Variants in ATP9B observed in about 807,000 individuals in gnomAD.
ATP9B encodes the protein probable phospholipid-transporting ATPase IIB.
Under a neutral mutation model 146.1 loss-of-function variants are expected in ATP9B, and 110 were observed. That is an observed-to-expected ratio of 0.75 (90% CI 0.65 to 0.88). The LOEUF (loss-of-function observed/expected upper bound fraction) is 0.88. Ranked by LOEUF, ATP9B falls within the 40% of genes least tolerant of loss-of-function variation. The pLI is 0.00. For synonymous variants in ATP9B, 604 were observed against 569.7 expected, an observed-to-expected ratio of 1.06 and a Z score of -0.86; for missense variants, 1,499 against 1,496.4, an observed-to-expected ratio of 1.00 and a Z score of -0.03.
intron 2 of ATP9B, among the ~76,000 whole-genome samples, chr18:79,102,703 C>CTA (rs1480652502): frequency 6.6e-6 from 1 of 151,928 alleles, no homozygotes; most frequent in Non-Finnish European, 1.5e-5. Flanking sequence ...TGTGTTGAAC[C>CTA]TATATATTTT....
chr18:79,183,512 G>A (rs1057482217), intron 8 of ATP9B, among the ~76,000 whole-genome samples: 8 of 151,970 alleles, frequency 5.3e-5, no homozygotes, highest in African/African-American at 1.9e-4. Flanking sequence ...TTCTAAGTCT[G>A]TTCATGTTAT....
intron 2 of ATP9B, among the ~76,000 whole-genome samples, chr18:79,097,370 A>G (rs2074878751): frequency 6.6e-6 from 1 of 151,614 alleles, no homozygotes; most frequent in Admixed American, 6.6e-5. Flanking sequence ...TTATTTTTAT[A>G]TCATTATTTT....
intron 11 of ATP9B, among the ~76,000 whole-genome samples, chr18:79,237,123 A>G (rs1387706718): frequency 2.1e-5 from 1 of 48,460 alleles, no homozygotes; most frequent in African/African-American, 9.5e-5. Context: ...CCCACTGTGT[A>G]CACGGTCCGT....
At chr18:79,212,603 A>G (rs766493149) in intron 10 of ATP9B, among the ~76,000 whole-genome samples, 2 of 152,226 alleles carry the variant, frequency 1.3e-5, no homozygotes, top group Non-Finnish European at 2.9e-5. Context: ...CTAGATTGGC[A>G]AAACAGAAAA....
At chr18:79,113,725 G>T (rs1483376745) in intron 4 of ATP9B, among the ~76,000 whole-genome samples, 1 of 152,200 alleles carries the variant, frequency 6.6e-6, no homozygotes, top group Non-Finnish European at 1.5e-5. Context: ...TTCACACCCT[G>T]ACCATGGTGA....
chr18:79,099,752 A>C (rs2146825078), intron 2 of ATP9B, among the ~76,000 whole-genome samples: 1 of 152,088 alleles, frequency 6.6e-6, no homozygotes, highest in Non-Finnish European at 1.5e-5. Context: ...ATGAGTCACC[A>C]TGCCCAACCT....
chr18:79,346,741 A>G (rs952263133), intron 23 of ATP9B, among the ~76,000 whole-genome samples: 11 of 152,078 alleles, frequency 7.2e-5, no homozygotes, highest in South Asian at 2.1e-4. Flanking sequence ...GTCATTTTAC[A>G]CTCAGCACAT....
chr18:79,284,809 C>G (rs905363205), intron 13 of ATP9B, among the ~76,000 whole-genome samples: 1 of 134,688 alleles, frequency 7.4e-6, no homozygotes, highest in Non-Finnish European at 1.6e-5. Context: ...TGTGATGTTC[C>G]CCTTCCCGTG....
At chr18:79,245,972 T>TGC (rs143564546) in intron 11 of ATP9B, among the ~76,000 whole-genome samples, 19 of 71,478 alleles carry the variant, frequency 2.7e-4, no homozygotes, top group African/African-American at 8.9e-4. Context: ...CCCTACTGAC[T>TGC]GCGGAGGGCA....
At chr18:79,322,690 C>A (rs2096722555) in intron 15 of ATP9B, among the ~76,000 whole-genome samples, 1 of 152,208 alleles carries the variant, frequency 6.6e-6, no homozygotes, top group African/African-American at 2.4e-5. Context: ...TATGTTCTTA[C>A]TAAGATTCTT....
intron 19 of ATP9B, among the ~76,000 whole-genome samples, chr18:79,339,452 ATGTCATGATCACAGTAGGAAGTG>A (rs2096846077): frequency 1.3e-5 from 2 of 149,358 alleles, no homozygotes; most frequent in African/African-American, 2.5e-5. Context: ...AGTAGGAAGT[ATGTCATGATCACAGTAGGAAGTG>A]TGTCATGATC....
chr18:79,120,919 T>A (rs1462720518), intron 4 of ATP9B, among the ~76,000 whole-genome samples: 2 of 152,194 alleles, frequency 1.3e-5, no homozygotes, highest in Non-Finnish European at 2.9e-5. Context: ...ATTAGAGGTG[T>A]GGGCAAAGTA....
chr18:79,217,748 T>C (rs1288992165), intron 11 of ATP9B, among the ~76,000 whole-genome samples: 4 of 152,228 alleles, frequency 2.6e-5, no homozygotes, highest in African/African-American at 9.7e-5. Context: ...CTGGTAAGAC[T>C]GTTTTCTGAC....
intron 11 of ATP9B, among the ~76,000 whole-genome samples, chr18:79,231,803 T>TACACACAC (rs1555777826): frequency 1.0e-3 from 119 of 114,754 alleles, no homozygotes; most frequent in East Asian, 3.2e-3. Flanking sequence ...TATATATATA[T>TACACACAC]ACACACACAC....
chr18:79,073,045 A>G (rs1438707671), intron 1 of ATP9B, among the ~76,000 whole-genome samples: 1 of 150,758 alleles, frequency 6.6e-6, no homozygotes, highest in Non-Finnish European at 1.5e-5. Context: ...GGCGGGGCAG[A>G]GGAGCTCCTC....
rs200345406 is a variant in ATP9B, at chr18:79,375,420, T to G, written c.3301T>G (p.Phe1101Val). 12 of 1,612,852 alleles carry G rather than the reference T, an allele frequency of 7.4e-6. No individual in the cohort carries two copies. Among genetic ancestry groups the G allele is most frequent in the Admixed American group, 1.7e-5 (1 of 59,996 alleles). The change falls in exon 29 of 30, where the codon TTC (phenylalanine) becomes GTC (valine). Residue 1101 changes from phenylalanine to valine, a missense_variant. By Grantham distance (50) the Phe-to-Val change is conservative (BLOSUM62 -1). Coordinates refer to ENST00000426216, the MANE Select transcript of ATP9B (RefSeq NM_198531.5). ...FGIGRVSFGA[F>V]LDVAFITTVT... The stretch of plus-strand genomic sequence containing the variant: ...TATAGGCAGAGTGTCTTTTGGAGCT[T>G]TCTTAGGTAGGTAAAGTTATCATTT...
At chr18:79,328,044 C>T (rs113387477) in intron 15 of ATP9B, among the ~76,000 whole-genome samples, 3 of 140,334 alleles carry the variant, frequency 2.1e-5, no homozygotes, top group Admixed American at 1.4e-4. Flanking sequence ...CCGTGGTTAG[C>T]GTGCTCTCTC....
intron 11 of ATP9B, among the ~76,000 whole-genome samples, chr18:79,240,770 T>C (rs1175131000): frequency 1.3e-5 from 2 of 152,112 alleles, no homozygotes; most frequent in Admixed American, 1.3e-4. Flanking sequence ...AAAAGAAGGT[T>C]CAACCAGAGA....
chr18:79,307,970 A>T (rs1040041539), intron 15 of ATP9B, among the ~76,000 whole-genome samples: 4 of 152,178 alleles, frequency 2.6e-5, no homozygotes, highest in African/African-American at 9.6e-5. Context: ...ATATACATAA[A>T]TAATTGGTGG....
Sources: gnomAD v4.1 joint callset for allele counts (sites outside exome capture counted in the v4.1 genomes callset) on GRCh38, gnomAD v4.1.1 for gene constraint, MANE v1.5 for transcripts, NCBI Gene and HGNC (gene_info 2026-07-23, HGNC 2026-07-21) for gene names.